Variants in CACNA2D3 observed in about 807,000 individuals in gnomAD.
CACNA2D3 encodes voltage-dependent calcium channel subunit alpha-2/delta-3.
In CACNA2D3, 60 loss-of-function variants were observed where a neutral mutation model predicts 160.6. The observed-to-expected ratio is 0.37, with a 90% CI of 0.30 to 0.46. The LOEUF is 0.46. Among genes scored for constraint, CACNA2D3 ranks in the 20% least tolerant of loss-of-function variants. CACNA2D3 has a pLI of 1.00. For synonymous variants in CACNA2D3, 558 were observed against 492.9 expected (o/e 1.13, Z -1.75); for missense variants, 1,205 against 1,365.0 (o/e 0.88, Z 1.85).
chr3:54,420,536 G>A (rs1699822283), intron 4 of CACNA2D3, among the ~76,000 whole-genome samples: 1 of 152,152 alleles, frequency 6.6e-6, no homozygotes, highest in African/African-American at 2.4e-5. Context: ...TCTCCTGCCA[G>A]GTCCACTTCC....
intron 27 of CACNA2D3, chr3:54,967,182 A>G (rs544065960): frequency 5.9e-5 from 9 of 152,300 alleles, no homozygotes; most frequent in African/African-American, 1.9e-4. Flanking sequence ...ATCTCTCCCA[A>G]TGTACACACC....
At chr3:54,507,013 A>G (rs989142468) in intron 5 of CACNA2D3, among the ~76,000 whole-genome samples, 1 of 152,206 alleles carries the variant, frequency 6.6e-6, no homozygotes, top group Non-Finnish European at 1.5e-5. Context: ...ATACACACAC[A>G]TATACAGTAC....
intron 5 of CACNA2D3, among the ~76,000 whole-genome samples, chr3:54,525,436 T>G (rs1701710376): frequency 1.3e-5 from 2 of 152,192 alleles, no homozygotes. Flanking sequence ...GTCTTGTGAC[T>G]TTGAATTACC....
At chr3:54,284,897 T>A (rs1318931062) in intron 2 of CACNA2D3, among the ~76,000 whole-genome samples, 1 of 152,252 alleles carries the variant, frequency 6.6e-6, no homozygotes, top group Non-Finnish European at 1.5e-5. Context: ...TTGACATTAA[T>A]AGTGCTTTCG....
At chr3:54,416,690 G>A (rs1223647497) in intron 4 of CACNA2D3, among the ~76,000 whole-genome samples, 2 of 152,040 alleles carry the variant, frequency 1.3e-5, no homozygotes, top group Non-Finnish European at 2.9e-5. Context: ...GAAACAGCTG[G>A]CTTTTGTTGT....
At chr3:54,746,221 C>A (rs988480912) in intron 11 of CACNA2D3, among the ~76,000 whole-genome samples, 1 of 152,136 alleles carries the variant, frequency 6.6e-6, no homozygotes, top group Non-Finnish European at 1.5e-5. Flanking sequence ...AGGTTCCAAC[C>A]CTTATCTTCT....
intron 11 of CACNA2D3, among the ~76,000 whole-genome samples, chr3:54,666,645 A>C (rs1240396437): frequency 6.6e-6 from 1 of 152,242 alleles, no homozygotes; most frequent in East Asian, 1.9e-4. Context: ...GCAGGTACCA[A>C]AGACATTTTT....
chr3:54,555,334 A>C (rs745568436), intron 5 of CACNA2D3, among the ~76,000 whole-genome samples: 59 of 152,190 alleles, frequency 3.9e-4, no homozygotes, highest in Non-Finnish European at 7.5e-4. Flanking sequence ...AGGATGGAAC[A>C]TGTAACTAAA....
intron 4 of CACNA2D3, among the ~76,000 whole-genome samples, chr3:54,417,154 C>T (rs540418933): frequency 3.3e-5 from 5 of 152,252 alleles, no homozygotes; most frequent in African/African-American, 7.2e-5. Context: ...ATACTTCTAA[C>T]GTTATCATCT....
In CACNA2D3 at chr3:54,332,477, G is replaced by A. The variant is rs534812157; in HGVS notation, c.321+11919G>A. Among the ~76,000 whole-genome samples the A allele has an allele frequency of 1.1e-3, 164 of 152,306 alleles. 1 individual carries two copies. The highest frequency in any genetic ancestry group is 3.6e-3 in the African/African-American group (148 of 41,556). Reference sequence around the variant, plus strand: ...TATAATTCACATATGTATAGGACACGTGAGCATGCATGTGTATTTACTTAT... The same window carrying A: ...TATAATTCACATATGTATAGGACACATGAGCATGCATGTGTATTTACTTAT... On this transcript the variant is annotated intron_variant, in intron 3 of 37. Transcript: ENST00000474759.
chr3:54,789,115 G>T (rs2106642037), intron 13 of CACNA2D3, among the ~76,000 whole-genome samples: 1 of 152,142 alleles, frequency 6.6e-6, no homozygotes, highest in South Asian at 2.1e-4. Context: ...CTAAATAAAT[G>T]TAACATTAAT....
intron 2 of CACNA2D3, among the ~76,000 whole-genome samples, chr3:54,207,769 C>G (rs1231628428): frequency 6.6e-6 from 1 of 152,082 alleles, no homozygotes; most frequent in Non-Finnish European, 1.5e-5. Context: ...AGTGATGAAT[C>G]TCTTCTCTGT....
In CACNA2D3 at chr3:55,074,355, TATAAACTCTTAA is replaced by T; in HGVS notation, c.*151_*162del. ...CATCATGATTTTAAACTGTGCGTGA[TATAAACTCTTAA>T]AGATATGTTGACAAAAAGTTATCTA... is the stretch of plus-strand genomic sequence containing the variant. On this transcript the variant is annotated 3_prime_UTR_variant, in exon 38 of 38. Coordinates refer to ENST00000474759, the MANE Select transcript of CACNA2D3 (RefSeq NM_018398.3). 1 of 648,966 alleles carries T rather than the reference TATAAACTCTTAA, an allele frequency of 1.5e-6. No homozygotes were observed. Among genetic ancestry groups the T allele is most frequent in the Non-Finnish European group, 2.7e-6 (1 of 364,838 alleles). 40.2% of individuals were successfully genotyped at this position (648,966 alleles called of 1,614,324 possible).
chr3:54,646,213 TC>T (rs1286188376), intron 11 of CACNA2D3, among the ~76,000 whole-genome samples: 1 of 101,530 alleles, frequency 9.8e-6, no homozygotes, highest in African/African-American at 4.5e-5. Context: ...CTTCCTTCCT[TC>T]CTTCCTTCCT....
At chr3:54,193,398 G>C (rs1701016825) in intron 2 of CACNA2D3, among the ~76,000 whole-genome samples, 1 of 152,164 alleles carries the variant, frequency 6.6e-6, no homozygotes, top group Non-Finnish European at 1.5e-5. Context: ...CCAGGGTTCA[G>C]TCTTTTTGGA....
chr3:54,561,194 C>G (rs771632348), intron 5 of CACNA2D3, among the ~76,000 whole-genome samples: 1 of 152,164 alleles, frequency 6.6e-6, no homozygotes, highest in South Asian at 2.1e-4. Context: ...AATATTGATT[C>G]TTCTTATCCA....
chr3:54,948,507 C>A (rs1359669046), intron 27 of CACNA2D3, among the ~76,000 whole-genome samples: 1 of 152,196 alleles, frequency 6.6e-6, no homozygotes, highest in Non-Finnish European at 1.5e-5. Context: ...AAGGTAGCAT[C>A]TTCCTGCAGT....
At chr3:54,573,459 C>T (rs1702531939) in intron 8 of CACNA2D3, among the ~76,000 whole-genome samples, 1 of 152,226 alleles carries the variant, frequency 6.6e-6, no homozygotes, top group Non-Finnish European at 1.5e-5. Flanking sequence ...TATGAGCACA[C>T]AGTCTTTTCG....
At chr3:54,470,050 G>T (rs559455077) in intron 4 of CACNA2D3, among the ~76,000 whole-genome samples, 6 of 152,244 alleles carry the variant, frequency 3.9e-5, no homozygotes, top group Non-Finnish European at 4.4e-5. Context: ...AGCAAGACAG[G>T]CTAACATTCA....
Sources: allele counts gnomAD v4.1 joint callset (sites outside exome capture counted in the v4.1 genomes callset), GRCh38; gene constraint gnomAD v4.1.1; transcripts MANE v1.5; gene names NCBI Gene and HGNC (gene_info 2026-07-23, HGNC 2026-07-21).